Variants in PPP2R2B observed in about 807,000 individuals in gnomAD.
PPP2R2B encodes the protein protein phosphatase 2 regulatory subunit Bbeta, also known as serine/threonine-protein phosphatase 2A 55 kDa regulatory subunit B beta isoform.
Under a neutral mutation model 46.0 loss-of-function variants are expected in PPP2R2B, and 5 were observed. That is an observed-to-expected ratio of 0.11 (90% CI 0.06 to 0.23). PPP2R2B has a LOEUF of 0.23. Among genes scored for constraint, PPP2R2B ranks in the 10% least tolerant of loss-of-function variants. PPP2R2B has a pLI of 1.00. For synonymous variants in PPP2R2B, 215 were observed against 206.7 expected (o/e 1.04, Z -0.34); for missense variants, 367 against 575.0 (o/e 0.64, Z 3.70).
At chr5:146,665,274 G>C (rs1776916447) in intron 5 of PPP2R2B, among the ~76,000 whole-genome samples, 1 of 152,182 alleles carries the variant, frequency 6.6e-6, no homozygotes, top group African/African-American at 2.4e-5. Context: ...CTGTTGTTTA[G>C]TGTAGCCACC....
At chr5:146,832,377 A>ATATT (rs1443028400) in intron 2 of PPP2R2B, among the ~76,000 whole-genome samples, 6 of 104,296 alleles carry the variant, frequency 5.8e-5, no homozygotes, top group Non-Finnish European at 7.9e-5. Flanking sequence ...GCCATTTTTA[A>ATATT]TCTTTTTTTT....
At chr5:146,792,548 G>A (rs540566991) in intron 2 of PPP2R2B, among the ~76,000 whole-genome samples, 9 of 152,310 alleles carry the variant, frequency 5.9e-5, no homozygotes, top group African/African-American at 2.2e-4. Flanking sequence ...TAGTATGTTA[G>A]AAGGTGACTA....
chr5:146,707,064 G>A, intron 2 of PPP2R2B: 1 of 1,200,938 alleles, frequency 8.3e-7, no homozygotes. Flanking sequence ...TACTCTTATT[G>A]ATCTCATCCT....
At chr5:146,859,581 C>T (rs896628184) in intron 2 of PPP2R2B, among the ~76,000 whole-genome samples, 2 of 152,140 alleles carry the variant, frequency 1.3e-5, no homozygotes, top group Non-Finnish European at 2.9e-5. Context: ...TCTAACAATC[C>T]TACACATGTA....
At chr5:147,018,033 GCATGCGCGCGCACA>G (rs1403265423) in intron 1 of PPP2R2B, among the ~76,000 whole-genome samples, 21 of 19,768 alleles carry the variant, frequency 1.1e-3, no homozygotes, top group South Asian at 4.9e-3. Flanking sequence ...ACACACACAT[GCATGCGCGCGCACA>G]CACACACACA....
At chr5:147,049,930 C>T (rs192369687) in intron 1 of PPP2R2B, among the ~76,000 whole-genome samples, 33 of 152,076 alleles carry the variant, frequency 2.2e-4, no homozygotes, top group East Asian at 5.8e-4. Context: ...GATGGGGCAG[C>T]GGGTGAAGGA....
intron 1 of PPP2R2B, among the ~76,000 whole-genome samples, chr5:146,972,575 G>T (rs1352621330): frequency 1.3e-5 from 2 of 152,056 alleles, no homozygotes; most frequent in East Asian, 3.9e-4. Context: ...AGCTGGGCAT[G>T]GTGGTGGGTG....
chr5:147,046,646 C>G (rs1293147620), intron 1 of PPP2R2B, among the ~76,000 whole-genome samples: 1 of 151,886 alleles, frequency 6.6e-6, no homozygotes, highest in African/African-American at 2.4e-5. Context: ...TACAGGCAAA[C>G]AGTAGTCAAG....
intron 2 of PPP2R2B, among the ~76,000 whole-genome samples, chr5:146,772,250 A>G (rs1208701427): frequency 1.1e-4 from 16 of 151,968 alleles, no homozygotes; most frequent in Admixed American, 1.0e-3. Context: ...GATGATTTAT[A>G]TGTCAGGTAC....
intron 2 of PPP2R2B, among the ~76,000 whole-genome samples, chr5:146,744,207 C>A (rs1301026643): frequency 1.3e-5 from 2 of 152,164 alleles, no homozygotes; most frequent in Non-Finnish European, 1.5e-5. Flanking sequence ...CCCACACCAT[C>A]CCCTGCCCCC....
upstream of PPP2R2B, among the ~76,000 whole-genome samples, chr5:147,056,626 G>T (rs1757094103): frequency 6.6e-6 from 1 of 152,102 alleles, no homozygotes; most frequent in East Asian, 1.9e-4. Flanking sequence ...TTGATACAAG[G>T]ATTACACAAC....
intron 1 of PPP2R2B, among the ~76,000 whole-genome samples, chr5:146,960,986 C>A (rs1180379412): frequency 6.6e-6 from 1 of 152,066 alleles, no homozygotes; most frequent in Non-Finnish European, 1.5e-5. Context: ...CGGAGTCAAC[C>A]AGGCTTAACA....
At chr5:146,971,537 T>C (rs527722162) in intron 1 of PPP2R2B, among the ~76,000 whole-genome samples, 1 of 152,212 alleles carries the variant, frequency 6.6e-6, no homozygotes, top group Non-Finnish European at 1.5e-5. Context: ...TCTTTTTCTA[T>C]GAGAAATAAT....
chr5:146,668,277 C>T (rs772377326), intron 5 of PPP2R2B, among the ~76,000 whole-genome samples: 4 of 152,176 alleles, frequency 2.6e-5, no homozygotes, highest in Admixed American at 1.3e-4. Context: ...GTGTTTTAAT[C>T]TAGATTTCTA....
At chr5:146,978,219 G>T (rs187778575) in intron 1 of PPP2R2B, among the ~76,000 whole-genome samples, 47 of 151,812 alleles carry the variant, frequency 3.1e-4, no homozygotes, top group Middle Eastern at 3.4e-3. Flanking sequence ...TTTTTGATGG[G>T]TTTTTTTTAA....
At chr5:146,669,488 C>T (rs1160402903) in intron 5 of PPP2R2B, among the ~76,000 whole-genome samples, 1 of 151,522 alleles carries the variant, frequency 6.6e-6, no homozygotes, top group Non-Finnish European at 1.5e-5. Context: ...TCTTTATATC[C>T]TATATATTTA....
intron 1 of PPP2R2B, among the ~76,000 whole-genome samples, chr5:146,898,943 T>G (rs1416232644): frequency 7.1e-6 from 1 of 141,152 alleles, no homozygotes; most frequent in Non-Finnish European, 1.5e-5. Context: ...TCACACCAGT[T>G]AGAATGGCAA....
intron 1 of PPP2R2B, among the ~76,000 whole-genome samples, chr5:146,931,350 G>A (rs1204212420): frequency 6.6e-6 from 1 of 152,136 alleles, no homozygotes; most frequent in Non-Finnish European, 1.5e-5. Flanking sequence ...GCAGCTTTGA[G>A]ACAAAATTTC....
chr5:147,044,581 T>A (rs558844813), intron 1 of PPP2R2B, among the ~76,000 whole-genome samples: 5 of 152,180 alleles, frequency 3.3e-5, no homozygotes, highest in South Asian at 2.1e-4. Context: ...GCCAGTATCA[T>A]GCTTTTTTTA....
Sources: gnomAD v4.1 joint callset for allele counts (sites outside exome capture counted in the v4.1 genomes callset) on GRCh38, gnomAD v4.1.1 for gene constraint, MANE v1.5 for transcripts, NCBI Gene and HGNC (gene_info 2026-07-23, HGNC 2026-07-21) for gene names.